PYHIN1: variants seen among roughly 807,000 people sequenced by gnomAD.
PYHIN1 encodes pyrin and HIN domain-containing protein 1.
PYHIN1 carries 32 observed loss-of-function variants against 43.7 expected under a neutral mutation model. The ratio of observed to expected loss-of-function variants is 0.73; its 90% confidence interval spans 0.55 to 0.98. The LOEUF is 0.98. PYHIN1 is among the 50% of genes least tolerant of loss of function. PYHIN1 has a pLI of 0.00. For synonymous variants in PYHIN1, 205 were observed against 203.1 expected (o/e 1.01, Z -0.08); for missense variants, 588 against 589.5 (o/e 1.00, Z 0.03).
chr1:158,977,014 A>G lies in PYHIN1; in HGVS notation c.*319A>G, dbSNP rs1293798965. The stretch of plus-strand genomic sequence containing the variant: ...CTTCATATCATATTTTGCATTCAGA[A>G]TTTTCATAATTTGAAAAAAAATAAA... On this transcript the variant is annotated 3_prime_UTR_variant, in exon 9 of 9. Transcript: ENST00000368140. The G allele has an allele frequency of 1.3e-5, 2 of 156,678 alleles. No homozygotes were observed. The highest frequency in any genetic ancestry group is 2.5e-5 in the Non-Finnish European group (2 of 80,740). The allele number at this position is 156,678 out of a possible 1,614,324, so 9.7% of individuals were successfully genotyped here. A position where few individuals can be genotyped will look rare whatever the true frequency, so the allele number is the denominator to read the frequency against.
chr1:158,940,335 C>T (rs1490651790), intron 4 of PYHIN1: 1 of 150,778 alleles, frequency 6.6e-6, no homozygotes, highest in East Asian at 1.9e-4. Flanking sequence ...TCAAAGATAC[C>T]TATTGTGAGG....
chr1:158,966,965 A>G (rs529663764), intron 7 of PYHIN1, among the ~76,000 whole-genome samples: 29 of 152,298 alleles, frequency 1.9e-4, no homozygotes, highest in African/African-American at 7.0e-4. Flanking sequence ...AGAAAAACCC[A>G]TAGTCTCTGC....
chr1:158,946,854 A>G (rs1649251339), intron 7 of PYHIN1, among the ~76,000 whole-genome samples: 1 of 152,204 alleles, frequency 6.6e-6, no homozygotes, highest in Admixed American at 6.5e-5. Flanking sequence ...ATTGAAAATT[A>G]TTGACCAGAA....
chr1:158,937,807 G>A (rs1001486390), intron 2 of PYHIN1, among the ~76,000 whole-genome samples: 4 of 152,068 alleles, frequency 2.6e-5, no homozygotes, highest in Non-Finnish European at 4.4e-5. Flanking sequence ...TTAGCCAGGC[G>A]TGGTGGCAGG....
chr1:158,969,414 T>C (rs1650814109), intron 7 of PYHIN1, among the ~76,000 whole-genome samples: 1 of 151,926 alleles, frequency 6.6e-6, no homozygotes, highest in African/African-American at 2.4e-5. Context: ...CAATCTAGTA[T>C]CTTACCCATT....
At chr1:158,957,138 A>C (rs1055501813) in intron 7 of PYHIN1, among the ~76,000 whole-genome samples, 2 of 140,616 alleles carry the variant, frequency 1.4e-5, no homozygotes, top group Admixed American at 1.4e-4. Flanking sequence ...TTCCATGCTC[A>C]TGGGTAGGAA....
rs183066990 is a variant in PYHIN1, at chr1:158,966,454, A to G, written c.1360-7193A>G. Among the ~76,000 whole-genome samples, 26 of 152,294 alleles carry G rather than the reference A, an allele frequency of 1.7e-4. No homozygotes were observed. The East Asian group carries it at 4.2e-3, about 25-fold the overall frequency. On this transcript the variant is annotated intron_variant, in intron 7 of 8. Coordinates refer to ENST00000368140, the MANE Select transcript of PYHIN1 (RefSeq NM_152501.5). Reference sequence around the variant, plus strand: ...CTTCAGGTGGTTATTCTTGATGAACATACATGCAAAAATCCTCAAAAAAAT... The same window carrying G: ...CTTCAGGTGGTTATTCTTGATGAACGTACATGCAAAAATCCTCAAAAAAAT...
rs958678086 is a variant in PYHIN1 at position 158,933,440 on chromosome 1, A to G, written c.-21+1664A>G. 1.3e-5 allele frequency among the ~76,000 whole-genome samples: 2 copies of G among 151,818 alleles called. No individual in the cohort carries two copies. The highest frequency in any genetic ancestry group is 4.8e-5 in the African/African-American group (2 of 41,398). ...GTATCTGATAATACTCTTTGTCTTA[A>G]GATCTTTTAAAAATGATTCTAGCAT... is the stretch of plus-strand genomic sequence containing the variant. On this transcript the variant is annotated intron_variant, in intron 1 of 8. Transcript: ENST00000368140. The surrounding 1 kb of genome is among the most constrained non-coding windows in gnomAD (Gnocchi z 6.3).
At chr1:158,939,721 T>C in intron 4 of PYHIN1, 1 of 582,462 alleles carries the variant, frequency 1.7e-6, no homozygotes, top group Non-Finnish European at 3.1e-6. Context: ...CTTAGACCCC[T>C]GTAACAGGTT....
chr1:158,934,205 AG>A (rs1231174030), intron 1 of PYHIN1, among the ~76,000 whole-genome samples: 1 of 152,220 alleles, frequency 6.6e-6, no homozygotes, highest in Non-Finnish European at 1.5e-5. Flanking sequence ...TTACTACAAA[AG>A]CAAAAGCACT....
intron 7 of PYHIN1, among the ~76,000 whole-genome samples, chr1:158,958,728 G>T (rs1221634525): frequency 6.9e-6 from 1 of 145,332 alleles, no homozygotes; most frequent in Admixed American, 7.1e-5. Context: ...GCACAATGTG[G>T]CCATGTACCC....
intron 8 of PYHIN1, 30 bp from the exon 9 acceptor site, chr1:158,976,671 G>A (rs750981609): frequency 6.4e-6 from 10 of 1,558,114 alleles, no homozygotes; most frequent in East Asian, 4.7e-5. Context: ...GCATCTCAAC[G>A]GGTTTATTTT....
At chr1:158,951,043 C>G (rs1394586608) in intron 7 of PYHIN1, among the ~76,000 whole-genome samples, 1 of 152,166 alleles carries the variant, frequency 6.6e-6, no homozygotes, top group East Asian at 1.9e-4. Flanking sequence ...TGTGTAACAT[C>G]TGTTTGCCAT....
At chr1:158,932,676 TATTCAAATA>T (rs1174386823) in intron 1 of PYHIN1, among the ~76,000 whole-genome samples, 4 of 152,198 alleles carry the variant, frequency 2.6e-5, no homozygotes, top group Admixed American at 1.3e-4. Flanking sequence ...CAAACACAAT[TATTCAAATA>T]ATTCAAATAA....
the PYHIN1 span, among the ~76,000 whole-genome samples, chr1:158,988,117 T>G: frequency 6.6e-6 from 1 of 152,218 alleles, no homozygotes; most frequent in Non-Finnish European, 1.5e-5. Flanking sequence ...GATCTTGGAC[T>G]TATAGCCTCC....
At chr1:158,946,679 A>G (rs1038713253) in intron 7 of PYHIN1, among the ~76,000 whole-genome samples, 2 of 152,204 alleles carry the variant, frequency 1.3e-5, no homozygotes, top group African/African-American at 4.8e-5. Flanking sequence ...GACTTAGTTA[A>G]TAAACACCCA....
In PYHIN1 at chr1:158,976,648, T is replaced by G. The variant is rs554294946; in HGVS notation, c.*6-53T>G. ...GAGGCAGTGTGATTGAAGAAAGAAATGTATGACTCCCTGCATCTCAACGGG... is the reference window on the plus strand; with the variant it reads ...GAGGCAGTGTGATTGAAGAAAGAAAGGTATGACTCCCTGCATCTCAACGGG... On this transcript the variant is annotated intron_variant, in intron 8 of 8. Coordinates refer to ENST00000368140, the MANE Select transcript of PYHIN1 (RefSeq NM_152501.5). 28 of 1,421,368 alleles carry G rather than the reference T, an allele frequency of 2.0e-5. No individual in the cohort carries two copies. In the South Asian group the frequency reaches 3.5e-4, roughly 18 times the overall value. The allele number at this position is 1,421,368 out of a possible 1,614,324, so 88.0% of individuals were successfully genotyped here.
downstream of PYHIN1, among the ~76,000 whole-genome samples, chr1:158,979,156 T>C (rs1043123168): frequency 1.3e-5 from 2 of 152,194 alleles, no homozygotes; most frequent in Non-Finnish European, 2.9e-5. Context: ...TTTATGATGA[T>C]AAGAGCACGT....
chr1:158,989,188 C>T, the PYHIN1 span, among the ~76,000 whole-genome samples: 200 of 152,200 alleles, frequency 1.3e-3, no homozygotes, highest in African/African-American at 4.5e-3. Flanking sequence ...GGACTTTTGC[C>T]ATGGAATTAA....
Sources: allele counts gnomAD v4.1 joint callset (sites outside exome capture counted in the v4.1 genomes callset), GRCh38; gene constraint gnomAD v4.1.1; non-coding constraint Gnocchi (gnomAD v3.1); transcripts MANE v1.5; gene names NCBI Gene and HGNC (gene_info 2026-07-23, HGNC 2026-07-21).